Variants in SLC39A9 observed in about 807,000 individuals in gnomAD.
SLC39A9 encodes zinc transporter ZIP9.
Under a neutral mutation model 28.4 loss-of-function variants are expected in SLC39A9, and 14 were observed. The ratio of observed to expected loss-of-function variants is 0.49; its 90% CI spans 0.33 to 0.77. The LOEUF is 0.77. Among genes scored for constraint, SLC39A9 ranks in the 30% least tolerant of loss-of-function variants. The pLI, the probability that SLC39A9 is intolerant of heterozygous loss-of-function variation, is 0.02. For synonymous variants in SLC39A9, 119 were observed against 149.6 expected, an observed-to-expected ratio of 0.80 and a Z score of 1.49; for missense variants, 283 against 381.1, an observed-to-expected ratio of 0.74 and a Z score of 2.14.
At chr14:69,451,596 A>G (rs999575371) in intron 3 of SLC39A9, among the ~76,000 whole-genome samples, 5 of 152,252 alleles carry the variant, frequency 3.3e-5, no homozygotes, top group Non-Finnish European at 1.5e-5. Flanking sequence ...AAAACATTCA[A>G]GTGAAAATGG....
At chr14:69,413,535 T>C (rs1308909106) in intron 1 of SLC39A9, among the ~76,000 whole-genome samples, 1 of 152,144 alleles carries the variant, frequency 6.6e-6, no homozygotes, top group Non-Finnish European at 1.5e-5. Flanking sequence ...GATCTTTATA[T>C]TGAAGAAATA....
intron 2 of SLC39A9, among the ~76,000 whole-genome samples, chr14:69,434,292 C>T (rs1884640060): frequency 6.6e-6 from 1 of 151,764 alleles, no homozygotes; most frequent in African/African-American, 2.4e-5. Flanking sequence ...CCATATTGGT[C>T]AGGCTGGTCT....
At chr14:69,434,663 G>A (rs910268605) in intron 2 of SLC39A9, among the ~76,000 whole-genome samples, 1 of 152,004 alleles carries the variant, frequency 6.6e-6, no homozygotes, top group Non-Finnish European at 1.5e-5. Context: ...GAAAGAACAA[G>A]ACCCTCCCTG....
In SLC39A9 at chr14:69,442,183, A is replaced by T; in HGVS notation, c.320A>T (p.Tyr107Phe). 1.2e-6 allele frequency: 2 copies of T among 1,614,186 alleles called. No homozygotes were observed. Among genetic ancestry groups the T allele is most frequent in the Non-Finnish European group, 1.7e-6 (2 of 1,180,038 alleles). ...CACGACCACACACAGCTGCATGCCT[A>T]TATTGGTGTTTCCCTCGTTCTGGGC... ...HSHDHTQLHA[Y>F]IGVSLVLGFV... The change falls in exon 3 of 7, where the codon TAT (tyrosine) becomes TTT (phenylalanine). Residue 107 changes from tyrosine (Y) to phenylalanine (F), a missense_variant. Transcript: ENST00000336643.
Position 69,458,899 on chromosome 14 carries a change from A to G in SLC39A9, c.*306A>G, listed in dbSNP as rs1885992406. 1 of 1,096,130 alleles carries G rather than the reference A, an allele frequency of 9.1e-7. No individual in the cohort carries two copies. 67.9% of individuals were successfully genotyped at this position (1,096,130 alleles called of 1,614,324 possible). The stretch of plus-strand genomic sequence containing the variant: ...GGAAGATGGAATTTAGTTTTAAGGA[A>G]AAGAGGAGAACTTCATACTCACAAT... On this transcript the variant is annotated 3_prime_UTR_variant, in exon 7 of 7. Coordinates refer to ENST00000336643, the MANE Select transcript of SLC39A9 (RefSeq NM_018375.5).
At chr14:69,429,768 TAAAG>T (rs779251813) in intron 2 of SLC39A9, among the ~76,000 whole-genome samples, 11 of 152,360 alleles carry the variant, frequency 7.2e-5, no homozygotes, top group Admixed American at 2.0e-4. Context: ...TTTAATTTCA[TAAAG>T]AAACTGACAA....
At position 69,462,267 on chromosome 14, in the gene SLC39A9, C is replaced by T. The variant is rs750738543; in HGVS notation, c.*3674C>T. ...TTTTAAATGTCCCTTTTTCTGGATC[C>T]CTTGTAAACATGAAATCATTCCATG... On this transcript the variant is annotated 3_prime_UTR_variant, in exon 7 of 7. Coordinates refer to ENST00000336643, the MANE Select transcript of SLC39A9 (RefSeq NM_018375.5). 1 of 152,208 alleles carries T rather than the reference C, an allele frequency of 6.6e-6. No homozygotes were observed. The highest frequency in any genetic ancestry group is 1.5e-5 in the Non-Finnish European group (1 of 68,086). 9.4% of individuals were successfully genotyped at this position (152,208 alleles called of 1,614,324 possible).
intron 1 of SLC39A9, among the ~76,000 whole-genome samples, chr14:69,410,121 T>G (rs567584870): frequency 6.6e-6 from 1 of 152,340 alleles, no homozygotes; most frequent in South Asian, 2.1e-4. Flanking sequence ...TTTATTTCTT[T>G]TATGTTTAGA....
In SLC39A9 at chr14:69,458,996, G is replaced by C; in HGVS notation, c.*403G>C. The C allele has an allele frequency of 1.0e-6, 1 of 993,838 alleles. No individual in the cohort carries two copies. The highest frequency in any genetic ancestry group is 1.2e-6 in the Non-Finnish European group (1 of 834,570). 61.6% of individuals were successfully genotyped at this position (993,838 alleles called of 1,614,324 possible). A position where few individuals can be genotyped will look rare whatever the true frequency, so the allele number is the denominator to read the frequency against. Reference sequence around the variant, plus strand: ...TCTTTCTTCTTAGTTTAGAGGCTCTGCTACTTTATCCATTGATTTTTAACA... The same window carrying C: ...TCTTTCTTCTTAGTTTAGAGGCTCTCCTACTTTATCCATTGATTTTTAACA... On this transcript the variant is annotated 3_prime_UTR_variant, in exon 7 of 7. Coordinates refer to ENST00000336643, the MANE Select transcript of SLC39A9 (RefSeq NM_018375.5).
intron 3 of SLC39A9, among the ~76,000 whole-genome samples, chr14:69,449,432 C>T (rs1031598727): frequency 6.6e-6 from 1 of 152,106 alleles, no homozygotes; most frequent in Non-Finnish European, 1.5e-5. Context: ...TGAGACCAGC[C>T]TAGGCAACAA....
At chr14:69,425,226 A>G (rs183356257) in intron 2 of SLC39A9, among the ~76,000 whole-genome samples, 27 of 152,344 alleles carry the variant, frequency 1.8e-4, no homozygotes, top group African/African-American at 6.5e-4. Flanking sequence ...TATTGCACTG[A>G]TTTAATGTGT....
At chr14:69,432,999 T>C (rs1884571805) in intron 2 of SLC39A9, among the ~76,000 whole-genome samples, 1 of 152,242 alleles carries the variant, frequency 6.6e-6, no homozygotes, top group Non-Finnish European at 1.5e-5. Context: ...TTGCTTAGGA[T>C]TGCTTTGGCT....
intron 1 of SLC39A9, among the ~76,000 whole-genome samples, chr14:69,419,031 T>C (rs1883738033): frequency 6.6e-6 from 1 of 152,220 alleles, no homozygotes. Context: ...CTTAGTTATT[T>C]CTTGCCTTCT....
chr14:69,402,088 G>A (rs1206989487), intron 1 of SLC39A9, among the ~76,000 whole-genome samples: 1 of 152,142 alleles, frequency 6.6e-6, no homozygotes, highest in Non-Finnish European at 1.5e-5. Flanking sequence ...CTTTCTTAGA[G>A]GCTAGTGTTA....
At position 69,402,902 on chromosome 14, in the gene SLC39A9, C is replaced by T. The variant is rs575036105; in HGVS notation, c.96+3437C>T. 4.1e-4 allele frequency among the ~76,000 whole-genome samples: 62 copies of T among 151,834 alleles called. 1 individual carries two copies. Among genetic ancestry groups the T allele is most frequent in the African/African-American group, 1.4e-3 (58 of 41,396 alleles). ...TTCGAGACCAGCCTGGCCAACATGGCGAAACCCCATCTCTACTAAAAATAC... is the reference window on the plus strand; with the variant it reads ...TTCGAGACCAGCCTGGCCAACATGGTGAAACCCCATCTCTACTAAAAATAC... On this transcript the variant is annotated intron_variant, in intron 1 of 6. Transcript: ENST00000336643.
chr14:69,461,919 G>A lies in SLC39A9; in HGVS notation c.*3326G>A, dbSNP rs1169281488. On this transcript the variant is annotated 3_prime_UTR_variant, in exon 7 of 7. Transcript: ENST00000336643. ...AAATCCTCTGTAGTTGTTCTGCAGA[G>A]GAACCTTCCTTCCATTAGAAAATTT... is the stretch of plus-strand genomic sequence containing the variant. The A allele has an allele frequency of 8.7e-6, 5 of 572,854 alleles. No homozygotes were observed. Among genetic ancestry groups the A allele is most frequent in the African/African-American group, 1.9e-5 (1 of 53,802 alleles). 35.5% of individuals were successfully genotyped at this position (572,854 alleles called of 1,614,324 possible). A position where few individuals can be genotyped will look rare whatever the true frequency, so the allele number is the denominator to read the frequency against.
chr14:69,459,204 G>T lies in SLC39A9; in HGVS notation c.*611G>T, dbSNP rs936720254. On this transcript the variant is annotated 3_prime_UTR_variant, in exon 7 of 7. Coordinates refer to ENST00000336643, the MANE Select transcript of SLC39A9 (RefSeq NM_018375.5). The stretch of plus-strand genomic sequence containing the variant: ...ACTCAAAAGAGATATCCATTGAAAA[G>T]GGATGTCTAGAGGGATTTAAACAGC... 3.0e-6 allele frequency: 3 copies of T among 985,442 alleles called. No individual in the cohort carries two copies. In the African/African-American group the frequency reaches 5.2e-5, roughly 17 times the overall value. The allele number at this position is 985,442 out of a possible 1,614,324, so 61.0% of individuals were successfully genotyped here.
At chr14:69,450,883 C>T (rs1885574615) in intron 3 of SLC39A9, among the ~76,000 whole-genome samples, 1 of 152,160 alleles carries the variant, frequency 6.6e-6, no homozygotes. Context: ...TCTCTGAAGT[C>T]ATTATTTTTG....
chr14:69,459,959 C>T lies in SLC39A9; in HGVS notation c.*1366C>T. The T allele has an allele frequency of 1.0e-6, 1 of 985,526 alleles. No homozygotes were observed. The highest frequency in any genetic ancestry group is 1.2e-6 in the Non-Finnish European group (1 of 829,718). The allele number at this position is 985,526 out of a possible 1,614,324, so 61.0% of individuals were successfully genotyped here. On this transcript the variant is annotated 3_prime_UTR_variant, in exon 7 of 7. Transcript: ENST00000336643. Reference sequence around the variant, plus strand: ...TTGTTGAGCCCTTAAAATACCACCTCCTCATGTGTAAATTGACACAATCAC... The same window carrying T: ...TTGTTGAGCCCTTAAAATACCACCTTCTCATGTGTAAATTGACACAATCAC...
Sources: allele counts gnomAD v4.1 joint callset (sites outside exome capture counted in the v4.1 genomes callset), GRCh38; gene constraint gnomAD v4.1.1; transcripts MANE v1.5; gene names NCBI Gene and HGNC (gene_info 2026-07-23, HGNC 2026-07-21).